ZSWIM5: variants seen among roughly 807,000 people sequenced by gnomAD.
ZSWIM5 encodes zinc finger SWIM-type containing 5, also known as zinc finger SWIM domain-containing protein 5.
ZSWIM5 carries 55 observed loss-of-function variants against 119.6 expected under a neutral mutation model. The observed-to-expected ratio is 0.46, with a 90% CI of 0.37 to 0.58. The LOEUF (loss-of-function observed/expected upper bound fraction) is 0.58. Ranked by LOEUF, ZSWIM5 falls within the 20% of genes least tolerant of loss-of-function variation. The probability of loss-of-function intolerance (pLI) is 0.00; values close to 1 mark genes in which losing one functional copy is unlikely to be tolerated. For missense variants in ZSWIM5, 1,193 were observed against 1,512.8 expected (o/e 0.79, Z 3.51); for synonymous variants, 537 against 606.9 (o/e 0.88, Z 1.69).
chr1:45,121,552 C>G (rs1645591913), intron 1 of ZSWIM5, among the ~76,000 whole-genome samples: 1 of 151,760 alleles, frequency 6.6e-6, no homozygotes, highest in South Asian at 2.1e-4. Flanking sequence ...CACCCCAAAC[C>G]TCTTTCTTTA....
chr1:45,087,780 T>C, intron 2 of ZSWIM5, 101 bp downstream of exon 2: 1 of 824,708 alleles, frequency 1.2e-6, no homozygotes, highest in South Asian at 1.7e-5. Flanking sequence ...TCCCAACCTC[T>C]TAACATGCAA....
intron 1 of ZSWIM5, among the ~76,000 whole-genome samples, chr1:45,112,260 T>A (rs346736): frequency 0.33 from 50,684 of 152,038 alleles, 9,655 homozygotes; most frequent in African/African-American, 0.53. Flanking sequence ...CACAGTATGT[T>A]GTTATGCTTC....
intron 1 of ZSWIM5, among the ~76,000 whole-genome samples, chr1:45,110,916 A>G (rs1645512750): frequency 6.6e-6 from 1 of 152,144 alleles, no homozygotes; most frequent in Non-Finnish European, 1.5e-5. Flanking sequence ...ATCCCAAGAT[A>G]TCGATCTGGT....
rs58448888 is a variant in ZSWIM5 at position 45,073,249 on chromosome 1, A to ATTT, written c.953-13005_953-13003dup. On this transcript the variant is annotated intron_variant, in intron 2 of 13. Coordinates refer to ENST00000359600, the MANE Select transcript of ZSWIM5 (RefSeq NM_020883.2). ...TGTTCGCATATACAATTGCTACTGAATTTTTTTTTTTTTTTTTTTTTTTTT... is the reference window on the plus strand; with the variant it reads ...TGTTCGCATATACAATTGCTACTGAATTTTTTTTTTTTTTTTTTTTTTTTTTTT... Among the ~76,000 whole-genome samples the ATTT allele has an allele frequency of 1.6e-4, 9 of 56,054 alleles. 1 individual carries two copies. Among genetic ancestry groups the ATTT allele is most frequent in the African/African-American group, 7.2e-4 (9 of 12,522 alleles). 36.8% of individuals were successfully genotyped at this position (56,054 alleles called of 152,430 possible).
chr1:45,076,014 A>G (rs1482982934), intron 2 of ZSWIM5, among the ~76,000 whole-genome samples: 1 of 151,992 alleles, frequency 6.6e-6, no homozygotes, highest in Non-Finnish European at 1.5e-5. Flanking sequence ...TAAAAACTCT[A>G]CAACTTAACT....
chr1:45,122,647 T>G (rs11802325), intron 1 of ZSWIM5, among the ~76,000 whole-genome samples: 3,141 of 152,136 alleles, frequency 0.021, 117 homozygotes, highest in African/African-American at 0.072. Context: ...GAGGTGTGAA[T>G]AAGCCTGCAA....
Position 45,053,005 on chromosome 1 carries a change from C to T in ZSWIM5, c.1253-1752G>A, listed in dbSNP as rs565878613. 5.9e-5 allele frequency among the ~76,000 whole-genome samples: 9 copies of T among 151,724 alleles called. No individual in the cohort carries two copies. In the South Asian group the frequency reaches 1.2e-3, roughly 21 times the overall value. On this transcript the variant is annotated intron_variant, in intron 4 of 13. Transcript: ENST00000359600. The stretch of plus-strand genomic sequence containing the variant: ...AGGTGTGTTGGTGCATGCCTGTAAT[C>T]CCAGCTACTTGGGAGGCTGTGGTAG...
chr1:45,033,529 A>C (rs1011049979), intron 11 of ZSWIM5, among the ~76,000 whole-genome samples: 1 of 152,124 alleles, frequency 6.6e-6, no homozygotes, highest in Admixed American at 6.6e-5. Context: ...AAACCTGCAT[A>C]GCTAACAGGA....
intron 4 of ZSWIM5, 57 bp downstream of exon 4, chr1:45,058,552 T>G: frequency 6.2e-7 from 1 of 1,603,242 alleles, no homozygotes; most frequent in Non-Finnish European, 8.5e-7. Flanking sequence ...TCATAAACAC[T>G]GTTGCCACAG....
intron 1 of ZSWIM5, among the ~76,000 whole-genome samples, chr1:45,140,174 A>C (rs1570142550): frequency 1.3e-5 from 2 of 152,194 alleles, no homozygotes; most frequent in East Asian, 3.8e-4. Context: ...CTAAAGGTAC[A>C]ACCAAAGGTT....
At chr1:45,053,895 A>G (rs1257640700) in intron 4 of ZSWIM5, among the ~76,000 whole-genome samples, 4 of 152,192 alleles carry the variant, frequency 2.6e-5, no homozygotes, top group African/African-American at 7.2e-5. Context: ...AACCCTGAGA[A>G]AGAGACAAAG....
intron 11 of ZSWIM5, among the ~76,000 whole-genome samples, chr1:45,032,547 T>G (rs1177174978): frequency 6.6e-6 from 1 of 150,684 alleles, no homozygotes; most frequent in Non-Finnish European, 1.5e-5. Flanking sequence ...AGTTCAGTGG[T>G]GCAACTCGGC....
chr1:45,055,232 C>T (rs963163322), intron 4 of ZSWIM5, among the ~76,000 whole-genome samples: 6 of 152,078 alleles, frequency 3.9e-5, no homozygotes, highest in Non-Finnish European at 5.9e-5. Context: ...CCTCGTGATC[C>T]GCCTGCCTTG....
At chr1:45,175,778 A>G (rs1434401431) in intron 1 of ZSWIM5, among the ~76,000 whole-genome samples, 1 of 151,828 alleles carries the variant, frequency 6.6e-6, no homozygotes, top group Non-Finnish European at 1.5e-5. Context: ...CATTGACACA[A>G]TGAACTCATG....
chr1:45,187,084 T>C (rs1013464915), intron 1 of ZSWIM5, among the ~76,000 whole-genome samples: 3 of 152,132 alleles, frequency 2.0e-5, no homozygotes, highest in Non-Finnish European at 2.9e-5. Flanking sequence ...CTAGATTTTT[T>C]TTTGCAAAAA....
intron 11 of ZSWIM5, among the ~76,000 whole-genome samples, chr1:45,031,282 T>C (rs1343615312): frequency 6.7e-6 from 1 of 148,824 alleles, no homozygotes; most frequent in South Asian, 2.1e-4. Context: ...GTTCAGATGA[T>C]TATAGTACCT....
Position 45,077,756 on chromosome 1 carries a change from G to GC in ZSWIM5, c.952+10124_952+10125insG, listed in dbSNP as rs1645264373. The stretch of plus-strand genomic sequence containing the variant: ...ATAAGAGACAGGTACGCCCCGGGGG[G>GC]GCCAGTTCAGAGACCTACCCCTAGG... On this transcript the variant is annotated intron_variant, in intron 2 of 13. Coordinates refer to ENST00000359600, the MANE Select transcript of ZSWIM5 (RefSeq NM_020883.2). 2.6e-5 allele frequency among the ~76,000 whole-genome samples: 4 copies of GC among 152,274 alleles called. No individual in the cohort carries two copies. In the South Asian group the frequency reaches 8.3e-4, roughly 32 times the overall value.
chr1:45,149,561 C>T (rs1220731763), intron 1 of ZSWIM5, among the ~76,000 whole-genome samples: 3 of 152,052 alleles, frequency 2.0e-5, no homozygotes, highest in East Asian at 1.9e-4. Context: ...TAAAACCTTC[C>T]TAACAAAATA....
chr1:45,045,388 G>A (rs1645047902), intron 5 of ZSWIM5, among the ~76,000 whole-genome samples: 1 of 152,140 alleles, frequency 6.6e-6, no homozygotes. Context: ...AAAAAATTAT[G>A]AGGGAATGTC....
Sources: gnomAD v4.1 joint callset for allele counts (sites outside exome capture counted in the v4.1 genomes callset) on GRCh38, gnomAD v4.1.1 for gene constraint, MANE v1.5 for transcripts, NCBI Gene and HGNC (gene_info 2026-07-23, HGNC 2026-07-21) for gene names.